CUX2: variants seen among roughly 807,000 people sequenced by gnomAD.
CUX2 encodes the protein cut like homeobox 2.
A neutral mutation model predicts 144.8 loss-of-function variants in CUX2; 40 were observed. The ratio of observed to expected loss-of-function variants is 0.28; its 90% CI spans 0.21 to 0.36. The LOEUF is 0.36. Among genes scored for constraint, CUX2 ranks in the 10% least tolerant of loss-of-function variants. The pLI is 1.00. For missense variants in CUX2, 1,615 were observed against 1,994.0 expected, an observed-to-expected ratio of 0.81 and a Z score of 3.62; for synonymous variants, 827 against 875.6, an observed-to-expected ratio of 0.94 and a Z score of 0.98.
rs1565926348 is a variant in CUX2 at position 111,330,734 on chromosome 12, T to TAC, written c.2927-3706_2927-3705insCA. ...ATATATATATATATATATATATATA[T>TAC]ATATATATATATATATAAAGAGAGA... On this transcript the variant is annotated intron_variant, in intron 18 of 21. Coordinates refer to ENST00000261726, the MANE Select transcript of CUX2 (RefSeq NM_015267.4). Among the ~76,000 whole-genome samples the TAC allele has an allele frequency of 1.7e-3, 94 of 54,862 alleles. 1 individual carries two copies. The highest frequency in any genetic ancestry group is 6.6e-3 in the African/African-American group (93 of 14,116). 36.0% of individuals were successfully genotyped at this position (54,862 alleles called of 152,430 possible). A position where few individuals can be genotyped will look rare whatever the true frequency, so the allele number is the denominator to read the frequency against.
intron 4 of CUX2, chr12:111,270,265 C>T (rs1884577334): frequency 6.6e-6 from 1 of 152,146 alleles, no homozygotes. Context: ...CCCCGCCACC[C>T]GAAGCCACAC....
intron 3 of CUX2, among the ~76,000 whole-genome samples, chr12:111,235,325 A>G (rs1021035506): frequency 1.3e-5 from 2 of 152,030 alleles, no homozygotes; most frequent in African/African-American, 4.8e-5. Flanking sequence ...TTTTGGATAT[A>G]TAAGGAAGGA....
At chr12:111,238,287 G>T (rs1257732164) in intron 3 of CUX2, among the ~76,000 whole-genome samples, 1 of 152,236 alleles carries the variant, frequency 6.6e-6, no homozygotes, top group East Asian at 1.9e-4. Context: ...TTTGTAGACT[G>T]TGATGTTCCT....
Position 111,310,132 on chromosome 12 carries a change from G to A in CUX2, c.1350G>A (p.Gly450=). 2.6e-6 allele frequency: 4 copies of A among 1,517,288 alleles called. No individual in the cohort carries two copies. Among genetic ancestry groups the A allele is most frequent in the Non-Finnish European group, 2.6e-6 (3 of 1,133,710 alleles). The allele number at this position is 1,517,288 out of a possible 1,614,324, so 94.0% of individuals were successfully genotyped here. ...CTCAGCAGCTCCCACCTCCACCAGG[G>A]CCAGAAGACCCCCTGTCTCCCAGCC... ...PSPQQLPPPP[G]PEDPLSPSPG... is the part of the protein sequence containing the mutation. Residue 450 remains glycine, a synonymous_variant, in exon 15 of 22, where the codon GGG becomes GGA. Coordinates refer to ENST00000261726, the MANE Select transcript of CUX2 (RefSeq NM_015267.4). The surrounding 1 kb of genome is among the most constrained non-coding windows in gnomAD (Gnocchi z 7.9).
chr12:111,337,803 A>C (rs1960079057), intron 19 of CUX2, among the ~76,000 whole-genome samples: 1 of 152,244 alleles, frequency 6.6e-6, no homozygotes, highest in African/African-American at 2.4e-5. Flanking sequence ...TGGGAGGCCA[A>C]GGCAGATGGA....
At chr12:111,299,126 C>T (rs1304090100) in intron 9 of CUX2, among the ~76,000 whole-genome samples, 4 of 152,242 alleles carry the variant, frequency 2.6e-5, no homozygotes, top group Non-Finnish European at 5.9e-5. Flanking sequence ...CCTGCAATGC[C>T]ACCAGCCAGA....
chr12:111,141,608 A>G (rs1328742372), intron 1 of CUX2, among the ~76,000 whole-genome samples: 1 of 152,154 alleles, frequency 6.6e-6, no homozygotes, highest in African/African-American at 2.4e-5. Flanking sequence ...CTTTTCCCCC[A>G]GGTCACACAG....
chr12:111,145,195 C>A (rs1035626505), intron 1 of CUX2, among the ~76,000 whole-genome samples: 1 of 152,204 alleles, frequency 6.6e-6, no homozygotes, highest in Non-Finnish European at 1.5e-5. Flanking sequence ...CTTGTCCAGG[C>A]GTGGCTTGGC....
chr12:111,102,875 CTGTTAT>C (rs1257505963), intron 1 of CUX2, among the ~76,000 whole-genome samples: 1 of 152,102 alleles, frequency 6.6e-6, no homozygotes, highest in Non-Finnish European at 1.5e-5. Context: ...AAAAAAAAAG[CTGTTAT>C]TGTTATTACT....
chr12:111,074,250 C>G (rs567797691), intron 1 of CUX2, among the ~76,000 whole-genome samples: 1 of 152,080 alleles, frequency 6.6e-6, no homozygotes, highest in Non-Finnish European at 1.5e-5. Flanking sequence ...TTTGAATCAC[C>G]TGGGGGCTTG....
At chr12:111,209,832 C>T (rs772567787) in intron 1 of CUX2, among the ~76,000 whole-genome samples, 14 of 152,198 alleles carry the variant, frequency 9.2e-5, no homozygotes, top group Non-Finnish European at 1.5e-5. Flanking sequence ...CACATTGGCC[C>T]GAGCCTCAGC....
At position 111,068,106 on chromosome 12, in the gene CUX2, C is replaced by A. The variant is rs758394527; in HGVS notation, c.63+33866C>A. On this transcript the variant is annotated intron_variant, in intron 1 of 21. Transcript: ENST00000261726. This position sits in a 1 kb window ranked among gnomAD's most constrained non-coding sequence, Gnocchi z 4.9. ...GCCTGCAGAGCCTGGCGAAGTCCCT[C>A]CCGTGTCCCCAAGCCCACCACACCT... Among the ~76,000 whole-genome samples the A allele has an allele frequency of 2.0e-5, 3 of 152,118 alleles. No homozygotes were observed. The highest frequency in any genetic ancestry group is 4.4e-5 in the Non-Finnish European group (3 of 68,012).
At chr12:111,074,787 G>T (rs1033239359) in intron 1 of CUX2, among the ~76,000 whole-genome samples, 1 of 152,020 alleles carries the variant, frequency 6.6e-6, no homozygotes, top group South Asian at 2.1e-4. Flanking sequence ...CCAGCAGCTG[G>T]GAGGACCTGG....
chr12:111,147,020 A>G (rs1566253098), intron 1 of CUX2, among the ~76,000 whole-genome samples: 4 of 152,166 alleles, frequency 2.6e-5, no homozygotes. Context: ...CTGTAATCCC[A>G]GATAATCGGG....
chr12:111,055,573 G>A (rs1284724897), intron 1 of CUX2, among the ~76,000 whole-genome samples: 1 of 152,252 alleles, frequency 6.6e-6, no homozygotes, highest in Non-Finnish European at 1.5e-5. Flanking sequence ...GGCCTGCTGA[G>A]GCCGTCTGCC....
intron 1 of CUX2, among the ~76,000 whole-genome samples, chr12:111,082,832 A>G (rs961605516): frequency 1.3e-5 from 2 of 152,240 alleles, no homozygotes; most frequent in East Asian, 3.9e-4. Context: ...AGGGTGGGCA[A>G]TGTGGAAGTT....
intron 10 of CUX2, among the ~76,000 whole-genome samples, chr12:111,306,073 G>A (rs1886565217): frequency 2.0e-5 from 3 of 152,058 alleles, no homozygotes; most frequent in Admixed American, 2.0e-4. Context: ...GAGATGGAGA[G>A]TGAGAGCCCA....
At chr12:111,344,559 C>T (rs61944365) in intron 21 of CUX2, among the ~76,000 whole-genome samples, 12 of 152,294 alleles carry the variant, frequency 7.9e-5, no homozygotes, top group African/African-American at 2.9e-4. Flanking sequence ...CTGTACCAGA[C>T]GCCACAGAAA....
intron 1 of CUX2, among the ~76,000 whole-genome samples, chr12:111,177,575 G>A (rs931085252): frequency 5.3e-5 from 8 of 152,186 alleles, no homozygotes; most frequent in African/African-American, 1.9e-4. Flanking sequence ...ATTTTTAGTA[G>A]AGATGGGATT....
Sources: gnomAD v4.1 joint callset for allele counts (sites outside exome capture counted in the v4.1 genomes callset) on GRCh38, gnomAD v4.1.1 for gene constraint, Gnocchi (gnomAD v3.1) non-coding constraint, MANE v1.5 for transcripts, NCBI Gene and HGNC (gene_info 2026-07-23, HGNC 2026-07-21) for gene names.